Variants in EPB41L4B observed in about 807,000 individuals in gnomAD.
EPB41L4B encodes the protein erythrocyte membrane protein band 4.1 like 4B.
Under a neutral mutation model 112.5 loss-of-function variants are expected in EPB41L4B, and 30 were observed. That is an observed-to-expected ratio of 0.27 (90% CI 0.20 to 0.36). The LOEUF is 0.36. Ranked by LOEUF, EPB41L4B falls within the 10% of genes least tolerant of loss-of-function variation. The pLI, the probability that EPB41L4B is intolerant of heterozygous loss-of-function variation, is 1.00. For synonymous variants in EPB41L4B, 408 were observed against 439.7 expected, an observed-to-expected ratio of 0.93 and a Z score of 0.90; for missense variants, 1,024 against 1,133.3, an observed-to-expected ratio of 0.90 and a Z score of 1.38.
chr9:109,314,643 C>A (rs898999058), intron 1 of EPB41L4B, among the ~76,000 whole-genome samples: 4 of 151,250 alleles, frequency 2.6e-5, no homozygotes, highest in Admixed American at 1.3e-4. Flanking sequence ...CACCCCCCCC[C>A]ACCTCAGCCT....
chr9:109,320,488 GCTGC>G lies in EPB41L4B; in HGVS notation c.-46_-43del. Reference sequence around the variant, plus strand: ...CCCTGCCTCCGCCCCCTGCGCTGCCGCTGCCGCTGCCGCTGCCGCTGCGCCGCCG... The same window carrying G: ...CCCTGCCTCCGCCCCCTGCGCTGCCGCGCTGCCGCTGCCGCTGCGCCGCCG... On this transcript the variant is annotated 5_prime_UTR_variant, in exon 1 of 26. Transcript: ENST00000374566. 1.3e-6 allele frequency: 1 copy of G among 779,900 alleles called. No homozygotes were observed. Among genetic ancestry groups the G allele is most frequent in the Non-Finnish European group, 1.5e-6 (1 of 645,704 alleles). 48.3% of individuals were successfully genotyped at this position (779,900 alleles called of 1,614,324 possible). A position where few individuals can be genotyped will look rare whatever the true frequency, so the allele number is the denominator to read the frequency against.
intron 14 of EPB41L4B, among the ~76,000 whole-genome samples, chr9:109,245,034 C>T (rs540376998): frequency 1.2e-3 from 182 of 152,298 alleles, no homozygotes; most frequent in African/African-American, 3.7e-3. Context: ...CTGCAGCCCC[C>T]GGAAGGACAT....
intron 11 of EPB41L4B, 84 bp downstream of exon 11, chr9:109,255,427 C>T: frequency 1.3e-6 from 2 of 1,515,702 alleles, no homozygotes; most frequent in Non-Finnish European, 1.8e-6. Context: ...GACTCAAATC[C>T]ACTACTCTAT....
chr9:109,299,609 T>C (rs925444003), intron 1 of EPB41L4B, among the ~76,000 whole-genome samples: 17 of 152,184 alleles, frequency 1.1e-4, no homozygotes, highest in African/African-American at 4.1e-4. Context: ...GTTTTTTTAA[T>C]TGAAGCATCA....
chr9:109,255,529 C>G lies in EPB41L4B; in HGVS notation c.1151G>C (p.Gly384Ala). 1 of 1,614,150 alleles carries G rather than the reference C, an allele frequency of 6.2e-7. No individual in the cohort carries two copies. Among genetic ancestry groups the G allele is most frequent in the Non-Finnish European group, 8.5e-7 (1 of 1,180,010 alleles). ...KSNRSDFIRL[G>A]SRFRFSGRTE... ...TCCCTACCTGAATCTGAAGCGAGAG[C>G]CCAGCCTGATAAAGTCGGATCTATT... Residue 384 changes from glycine to alanine, a missense_variant, in exon 11 of 26, where the codon GGC becomes GCC. By Grantham distance (60) the Gly-to-Ala change is moderately conservative. Transcript: ENST00000374566.
rs188270848 is a variant in EPB41L4B, at chr9:109,222,107, G to A, written c.1410-4962C>T. 1.3e-3 allele frequency among the ~76,000 whole-genome samples: 203 copies of A among 152,260 alleles called. 1 individual carries two copies. The highest frequency in any genetic ancestry group is 9.6e-4 in the Non-Finnish European group (65 of 68,016). ...GAAACCCAGAGTAAAGAGTTAAACAGTAAAAAGATATATATGCAGGGAGTG... is the reference window on the plus strand; with the variant it reads ...GAAACCCAGAGTAAAGAGTTAAACAATAAAAAGATATATATGCAGGGAGTG... On this transcript the variant is annotated intron_variant, in intron 15 of 25. Transcript: ENST00000374566.
chr9:109,303,154 T>G (rs1340052918), intron 1 of EPB41L4B, among the ~76,000 whole-genome samples: 1 of 151,914 alleles, frequency 6.6e-6, no homozygotes, highest in African/African-American at 2.4e-5. Flanking sequence ...ATCCCATTTT[T>G]GTTGAAAAAA....
chr9:109,223,269 CACA>C (rs1414961266), intron 15 of EPB41L4B, among the ~76,000 whole-genome samples: 2 of 151,818 alleles, frequency 1.3e-5, no homozygotes, highest in African/African-American at 4.8e-5. Flanking sequence ...ATCCCATTTC[CACA>C]ACAACAACAA....
rs907127418 is a variant in EPB41L4B, at chr9:109,217,060, C to A, written c.1495G>T (p.Ala499Ser). 2 of 1,614,052 alleles carry A rather than the reference C, an allele frequency of 1.2e-6. No homozygotes were observed. Among genetic ancestry groups the A allele is most frequent in the East Asian group, 4.5e-5 (2 of 44,888 alleles). Residue 499 changes from alanine to serine, a missense_variant, in exon 16 of 26, where the codon GCA becomes TCA. Physicochemically the swap from Ala to Ser is moderately conservative, Grantham distance 99. Coordinates refer to ENST00000374566, the MANE Select transcript of EPB41L4B (RefSeq NM_019114.5). ...EENGGTPFLTAASGRHHHQHQ... is the reference protein window; with the variant it reads ...EENGGTPFLTSASGRHHHQHQ... ...TGGTGGTGATGCCTTCCTGAAGCTG[C>A]GGTGAGGAACGGTGTGCCCCCATTC...
At chr9:109,255,278 C>T (rs1413172951) in intron 11 of EPB41L4B, among the ~76,000 whole-genome samples, 1 of 152,172 alleles carries the variant, frequency 6.6e-6, no homozygotes, top group Non-Finnish European at 1.5e-5. Flanking sequence ...CTGTATTGAA[C>T]AGCACAGCTC....
chr9:109,313,254 G>A (rs1372920347), intron 1 of EPB41L4B, among the ~76,000 whole-genome samples: 1 of 152,198 alleles, frequency 6.6e-6, no homozygotes, highest in East Asian at 1.9e-4. Flanking sequence ...TGTAGTGTAA[G>A]GGCTCAGTAA....
At chr9:109,257,372 C>T (rs1443741023) in intron 7 of EPB41L4B, among the ~76,000 whole-genome samples, 1 of 151,978 alleles carries the variant, frequency 6.6e-6, no homozygotes, top group East Asian at 1.9e-4. Context: ...GTGGTGCCTG[C>T]AGGGGGAATG....
At chr9:109,295,626 C>T (rs905343034) in intron 1 of EPB41L4B, among the ~76,000 whole-genome samples, 1 of 152,140 alleles carries the variant, frequency 6.6e-6, no homozygotes, top group African/African-American at 2.4e-5. Context: ...AACCTTCTGA[C>T]CCTGAGACCA....
At chr9:109,309,033 G>A (rs1025122780) in intron 1 of EPB41L4B, among the ~76,000 whole-genome samples, 6 of 151,970 alleles carry the variant, frequency 3.9e-5, no homozygotes, top group South Asian at 2.1e-4. Flanking sequence ...CCAAGATCAC[G>A]CACTGCACTC....
At chr9:109,230,023 C>T (rs1459474660) in intron 15 of EPB41L4B, among the ~76,000 whole-genome samples, 1 of 152,146 alleles carries the variant, frequency 6.6e-6, no homozygotes, top group African/African-American at 2.4e-5. Flanking sequence ...TGGTGTCAGC[C>T]AGAATCATAC....
At chr9:109,246,252 A>T (rs946269034) in intron 14 of EPB41L4B, among the ~76,000 whole-genome samples, 1 of 151,908 alleles carries the variant, frequency 6.6e-6, no homozygotes, top group African/African-American at 2.4e-5. Context: ...AAATGTAAAA[A>T]TTAGCCGGGC....
At chr9:109,311,237 T>G (rs960213532) in intron 1 of EPB41L4B, among the ~76,000 whole-genome samples, 2 of 151,884 alleles carry the variant, frequency 1.3e-5, no homozygotes, top group Admixed American at 1.3e-4. Context: ...AAAAAATTCA[T>G]AATTCAGGGT....
chr9:109,263,588 G>T (rs1305175973), intron 5 of EPB41L4B, among the ~76,000 whole-genome samples: 1 of 152,144 alleles, frequency 6.6e-6, no homozygotes, highest in Non-Finnish European at 1.5e-5. Flanking sequence ...TCTATCTAAG[G>T]CACAGCCATA....
chr9:109,318,932 C>G (rs2119302797), intron 1 of EPB41L4B, among the ~76,000 whole-genome samples: 1 of 152,356 alleles, frequency 6.6e-6, no homozygotes, highest in South Asian at 2.1e-4. Flanking sequence ...CTCTGATTTT[C>G]CCATCTGAGA....
Sources: gnomAD v4.1 joint callset for allele counts (sites outside exome capture counted in the v4.1 genomes callset) on GRCh38, gnomAD v4.1.1 for gene constraint, MANE v1.5 for transcripts, NCBI Gene and HGNC (gene_info 2026-07-23, HGNC 2026-07-21) for gene names.